Variants in VPS13B observed in about 807,000 individuals in gnomAD.
The protein encoded by VPS13B is intermembrane lipid transfer protein VPS13B.
Under a neutral mutation model 426.4 loss-of-function variants are expected in VPS13B, and 285 were observed. The observed-to-expected ratio is 0.67, with a 90% confidence interval of 0.61 to 0.74. The LOEUF is 0.74. VPS13B is among the 30% of genes least tolerant of loss of function. The pLI, the probability that VPS13B is intolerant of heterozygous loss-of-function variation, is 0.00. For missense variants in VPS13B, 4,537 were observed against 4,782.6 expected, an observed-to-expected ratio of 0.95 and a Z score of 1.51; for synonymous variants, 1,676 against 1,676.4, an observed-to-expected ratio of 1.00 and a Z score of 0.01.
At chr8:99,447,539 G>A (rs987597369) in intron 23 of VPS13B, among the ~76,000 whole-genome samples, 4 of 152,158 alleles carry the variant, frequency 2.6e-5, no homozygotes, top group African/African-American at 4.8e-5. Flanking sequence ...TGGTAAACAC[G>A]GATGCTCAAT....
intron 33 of VPS13B, among the ~76,000 whole-genome samples, chr8:99,582,734 C>A (rs1346060110): frequency 6.6e-6 from 1 of 152,126 alleles, no homozygotes; most frequent in East Asian, 1.9e-4. Context: ...CGGCTCACTG[C>A]AAGCTCCGCC....
At chr8:99,419,677 G>A (rs1816266560) in intron 21 of VPS13B, among the ~76,000 whole-genome samples, 1 of 152,120 alleles carries the variant, frequency 6.6e-6, no homozygotes, top group African/African-American at 2.4e-5. Context: ...TCTTCTTGAT[G>A]ACTATTAAAA....
Position 99,481,777 on chromosome 8 carries a change from C to T in VPS13B, c.3845C>T (p.Ser1282Phe), listed in dbSNP as rs1252295226. The T allele has an allele frequency of 6.2e-7, 1 of 1,613,776 alleles. No individual in the cohort carries two copies. Among genetic ancestry groups the T allele is most frequent in the African/African-American group, 1.3e-5 (1 of 74,912 alleles). The change falls in exon 25 of 62, where the codon TCT (serine) becomes TTT (phenylalanine). Residue 1282 changes from serine to phenylalanine, a missense_variant. Transcript: ENST00000357162. ...CCAGATACCAGCACATGCAGCCCATCTGCTGACATTGGGACTACTACTGAG... is the reference window on the plus strand; with the variant it reads ...CCAGATACCAGCACATGCAGCCCATTTGCTGACATTGGGACTACTACTGAG... ...APPDTSTCSPSADIGTTTEGD... is the reference protein window; with the variant it reads ...APPDTSTCSPFADIGTTTEGD...
chr8:99,740,512 A>C (rs1278642220), intron 39 of VPS13B, among the ~76,000 whole-genome samples: 1 of 152,202 alleles, frequency 6.6e-6, no homozygotes, highest in Non-Finnish European at 1.5e-5. Flanking sequence ...ACTCCAAGAC[A>C]CATAATTGTC....
Position 99,136,715 on chromosome 8 carries a change from G to C in VPS13B, c.1614G>C (p.Met538Ile). ...AGMQRFGAFYMDYLYTMENTS... is the reference protein window; with the variant it reads ...AGMQRFGAFYIDYLYTMENTS... ...TGCAACGGTTTGGGGCTTTTTATAT[G>C]GATTACCTGTATACAATGGAGAACA... Residue 538 changes from methionine (M) to isoleucine (I), a missense_variant, in exon 12 of 62, where the codon ATG becomes ATC. By Grantham distance (10) the Met-to-Ile change is conservative. Transcript: ENST00000357162. 6.2e-7 allele frequency: 1 copy of C among 1,613,554 alleles called. No homozygotes were observed. The highest frequency in any genetic ancestry group is 8.5e-7 in the Non-Finnish European group (1 of 1,179,648).
intron 39 of VPS13B, among the ~76,000 whole-genome samples, chr8:99,734,333 T>C (rs1480902920): frequency 6.6e-6 from 1 of 152,208 alleles, no homozygotes; most frequent in East Asian, 1.9e-4. Flanking sequence ...GACTCTGTTG[T>C]ATCCAACAAA....
intron 16 of VPS13B, among the ~76,000 whole-genome samples, chr8:99,178,028 TA>T (rs78348349): frequency 0.055 from 8,332 of 152,220 alleles, 267 homozygotes; most frequent in African/African-American, 0.091. Flanking sequence ...GTTGTTAATG[TA>T]TTTTTTTTTA....
At chr8:99,652,798 A>C (rs543869127) in intron 34 of VPS13B, among the ~76,000 whole-genome samples, 31 of 152,288 alleles carry the variant, frequency 2.0e-4, no homozygotes, top group Admixed American at 4.6e-4. Context: ...TCACACTCTG[A>C]ACATTTATCT....
intron 36 of VPS13B, among the ~76,000 whole-genome samples, chr8:99,711,944 G>T (rs1036712734): frequency 6.6e-6 from 1 of 152,126 alleles, no homozygotes; most frequent in Non-Finnish European, 1.5e-5. Context: ...TCAGAAGCAT[G>T]GTAATAGCAC....
chr8:99,848,297 C>A (rs1205710327), intron 54 of VPS13B, among the ~76,000 whole-genome samples: 1 of 152,138 alleles, frequency 6.6e-6, no homozygotes, highest in Non-Finnish European at 1.5e-5. Context: ...TTGTGATATG[C>A]TCCTAGGTGG....
chr8:99,519,891 G>A (rs771199498), intron 29 of VPS13B, among the ~76,000 whole-genome samples: 123 of 152,010 alleles, frequency 8.1e-4, no homozygotes, highest in Non-Finnish European at 1.4e-3. Context: ...CATGGCACAT[G>A]TATACATATG....
chr8:99,551,963 T>G (rs911406260), intron 30 of VPS13B, among the ~76,000 whole-genome samples: 5 of 151,952 alleles, frequency 3.3e-5, no homozygotes, highest in Non-Finnish European at 7.4e-5. Flanking sequence ...AAATATTGCC[T>G]CCTCCTTGTT....
chr8:99,502,325 C>T (rs1416941773), intron 26 of VPS13B, among the ~76,000 whole-genome samples: 13 of 152,006 alleles, frequency 8.6e-5, no homozygotes, highest in South Asian at 2.1e-4. Flanking sequence ...AAATATTAAA[C>T]GCTATTTTGG....
chr8:99,743,676 C>T (rs114263454), intron 39 of VPS13B, among the ~76,000 whole-genome samples: 34,131 of 151,430 alleles, frequency 0.23, 4,603 homozygotes, highest in East Asian at 0.45. Context: ...CAGCAGCGTA[C>T]CTACAACCAT....
intron 35 of VPS13B, among the ~76,000 whole-genome samples, chr8:99,687,123 CT>C (rs1831446684): frequency 6.6e-6 from 1 of 152,036 alleles, no homozygotes; most frequent in Admixed American, 6.5e-5. Context: ...GCACGGTTCC[CT>C]TCTGGCCCAA....
At position 99,121,370 on chromosome 8, in the gene VPS13B, A is replaced by C. The variant is rs1554625808; in HGVS notation, c.1131A>C (p.Gln377His). The C allele has an allele frequency of 2.5e-6, 4 of 1,614,202 alleles. No homozygotes were observed. Among genetic ancestry groups the C allele is most frequent in the Non-Finnish European group, 3.4e-6 (4 of 1,180,030 alleles). ...VGNDPASTMH[Q>H]QKAQTLKDPI... The stretch of plus-strand genomic sequence containing the variant: ...ACGATCCTGCATCAACCATGCATCA[A>C]CAAAAAGCACAGACTTTGAAGGATC... The change falls in exon 8 of 62, where the codon CAA becomes CAC. Residue 377 changes from glutamine to histidine, a missense_variant. Around this residue, in one of 2 missense-constraint regions of VPS13B, gnomAD observed 4,311 missense variants for 4,474.3 expected, o/e 0.96. Coordinates refer to ENST00000357162, the MANE Select transcript of VPS13B (RefSeq NM_152564.5).
rs1814743519 is a variant in VPS13B, at chr8:99,206,689, C to T, written c.2515+13632C>T. Reference sequence around the variant, plus strand: ...CATTTAAACATCTGGTCTAAAACCACATCACTGTAACTGAATAAAGTTATG... The same window carrying T: ...CATTTAAACATCTGGTCTAAAACCATATCACTGTAACTGAATAAAGTTATG... On this transcript the variant is annotated intron_variant, in intron 17 of 61. Coordinates refer to ENST00000357162, the MANE Select transcript of VPS13B (RefSeq NM_152564.5). 1.3e-5 allele frequency among the ~76,000 whole-genome samples: 2 copies of T among 152,170 alleles called. 1 individual carries two copies. The highest frequency in any genetic ancestry group is 1.3e-4 in the Admixed American group (2 of 15,282).
chr8:99,639,658 ATT>A (rs1299194430), intron 33 of VPS13B, among the ~76,000 whole-genome samples: 1 of 148,210 alleles, frequency 6.7e-6, no homozygotes, highest in Non-Finnish European at 1.5e-5. Context: ...ATATATATAT[ATT>A]ATTATATATA....
At chr8:99,251,316 G>C (rs552134220) in intron 17 of VPS13B, among the ~76,000 whole-genome samples, 1 of 152,116 alleles carries the variant, frequency 6.6e-6, no homozygotes, top group East Asian at 1.9e-4. Context: ...ATCTTTCTTA[G>C]GAAGTTCCTC....
Sources: gnomAD v4.1 joint callset for allele counts (sites outside exome capture counted in the v4.1 genomes callset) on GRCh38, gnomAD v4.1.1 for gene constraint, gnomAD v4.1.1 regional missense constraint, MANE v1.5 for transcripts, NCBI Gene and HGNC (gene_info 2026-07-23, HGNC 2026-07-21) for gene names.